ANKS1B: variants seen among roughly 807,000 people sequenced by gnomAD.
ANKS1B encodes ankyrin repeat and sterile alpha motif domain containing 1B, also known as ankyrin repeat and sterile alpha motif domain-containing protein 1B.
Under a neutral mutation model 148.3 loss-of-function variants are expected in ANKS1B, and 36 were observed. The observed-to-expected ratio is 0.24, with a 90% CI of 0.19 to 0.32. The LOEUF (loss-of-function observed/expected upper bound fraction) is 0.32, where lower values mean the gene tolerates loss of function less well. ANKS1B is among the 10% of genes least tolerant of loss of function. The pLI is 1.00. For synonymous variants in ANKS1B, 542 were observed against 560.8 expected (o/e 0.97, Z 0.47); for missense variants, 1,157 against 1,542.6 (o/e 0.75, Z 4.19).
At chr12:99,783,813 T>C (rs1039368548) in intron 4 of ANKS1B, among the ~76,000 whole-genome samples, 2 of 152,084 alleles carry the variant, frequency 1.3e-5, no homozygotes, top group Admixed American at 1.3e-4. Context: ...TAGTATTCTT[T>C]AGTAGGGTGA....
intron 10 of ANKS1B, among the ~76,000 whole-genome samples, chr12:99,483,749 T>C (rs981144828): frequency 6.6e-6 from 1 of 152,008 alleles, no homozygotes; most frequent in Non-Finnish European, 1.5e-5. Flanking sequence ...TTTCCAGGAA[T>C]TGACCCATTT....
intron 17 of ANKS1B, among the ~76,000 whole-genome samples, chr12:98,996,991 T>G (rs2099930083): frequency 6.6e-6 from 1 of 152,146 alleles, no homozygotes; most frequent in African/African-American, 2.4e-5. Context: ...AGTCATAGCT[T>G]TAACCAGATT....
intron 9 of ANKS1B, 56 bp from the exon 10 acceptor site, chr12:99,504,697 T>C: frequency 7.6e-7 from 1 of 1,324,218 alleles, no homozygotes; most frequent in East Asian, 2.6e-5. Context: ...CCTTGTTTAA[T>C]TTATAAAAAC....
intron 12 of ANKS1B, among the ~76,000 whole-genome samples, chr12:99,376,157 A>G (rs2093382963): frequency 6.6e-6 from 1 of 152,222 alleles, no homozygotes; most frequent in Non-Finnish European, 1.5e-5. Flanking sequence ...TTACTCAGTT[A>G]TGACCTCAGA....
rs138858879 is a variant in ANKS1B at position 99,213,941 on chromosome 12, C to G, written c.2419+30401G>C. On this transcript the variant is annotated intron_variant, in intron 14 of 26. Transcript: ENST00000683438. ...TCATAGGATTTTAGGGAATGCTTCA[C>G]ATCAAAGCTGTTGGTGGCACAGAGG... is the stretch of plus-strand genomic sequence containing the variant. 2.6e-5 allele frequency among the ~76,000 whole-genome samples: 4 copies of G among 152,318 alleles called. No homozygotes were observed. The East Asian group carries it at 7.7e-4, about 29-fold the overall frequency.
At chr12:99,171,730 AT>A (rs2077781487) in intron 14 of ANKS1B, among the ~76,000 whole-genome samples, 1 of 152,196 alleles carries the variant, frequency 6.6e-6, no homozygotes, top group Non-Finnish European at 1.5e-5. Flanking sequence ...GCCATACCTG[AT>A]TGGAAAAAAA....
At chr12:99,853,487 C>A (rs2153709320) in intron 1 of ANKS1B, among the ~76,000 whole-genome samples, 1 of 152,192 alleles carries the variant, frequency 6.6e-6, no homozygotes, top group African/African-American at 2.4e-5. Context: ...GAGAAATAAC[C>A]CTCACTGCAG....
At chr12:99,177,728 A>C (rs896438600) in intron 14 of ANKS1B, among the ~76,000 whole-genome samples, 1 of 152,238 alleles carries the variant, frequency 6.6e-6, no homozygotes, top group African/African-American at 2.4e-5. Context: ...ATAATGCCAA[A>C]ACAGTGATGT....
intron 12 of ANKS1B, among the ~76,000 whole-genome samples, chr12:99,279,146 G>C (rs1255040482): frequency 6.6e-6 from 1 of 152,164 alleles, no homozygotes; most frequent in Non-Finnish European, 1.5e-5. Context: ...CCTGGGCTCA[G>C]ACTATCCTCC....
chr12:99,829,716 A>G (rs774673799), intron 1 of ANKS1B, among the ~76,000 whole-genome samples: 37 of 149,924 alleles, frequency 2.5e-4, no homozygotes, highest in Non-Finnish European at 4.3e-4. Flanking sequence ...TGTAGTCCCA[A>G]CTACTCAGGA....
intron 8 of ANKS1B, among the ~76,000 whole-genome samples, chr12:99,729,431 T>G (rs1424102677): frequency 6.6e-6 from 1 of 152,138 alleles, no homozygotes; most frequent in African/African-American, 2.4e-5. Flanking sequence ...ATAGTTGAGG[T>G]TCTTAGAGTG....
At chr12:99,233,493 C>A (rs1368036846) in intron 14 of ANKS1B, among the ~76,000 whole-genome samples, 5 of 152,074 alleles carry the variant, frequency 3.3e-5, no homozygotes, top group African/African-American at 4.8e-5. Flanking sequence ...TCCAGCTTTG[C>A]TGAAGAACAG....
intron 14 of ANKS1B, 139 bp from the exon 15 acceptor site, chr12:99,154,534 C>G (rs2075739434): frequency 6.3e-7 from 1 of 1,594,160 alleles, no homozygotes; most frequent in Admixed American, 1.7e-5. Flanking sequence ...GCCAGCTTGA[C>G]AGATTAATGT....
chr12:98,830,284 C>G (rs966459092), intron 18 of ANKS1B, among the ~76,000 whole-genome samples: 13 of 151,998 alleles, frequency 8.6e-5, no homozygotes, highest in Admixed American at 3.9e-4. Context: ...TGAGGCTCCT[C>G]TTTCTAAGGG....
intron 9 of ANKS1B, among the ~76,000 whole-genome samples, chr12:99,537,591 G>C (rs1444923188): frequency 6.6e-6 from 1 of 152,008 alleles, no homozygotes; most frequent in African/African-American, 2.4e-5. Flanking sequence ...CAAATCTTTT[G>C]CTCATCTTTT....
chr12:99,065,009 G>T (rs1481606063), intron 16 of ANKS1B, among the ~76,000 whole-genome samples: 2 of 152,040 alleles, frequency 1.3e-5, no homozygotes, highest in Admixed American at 6.6e-5. Flanking sequence ...TATGAAGCAA[G>T]AGTTCAGATT....
intron 16 of ANKS1B, among the ~76,000 whole-genome samples, chr12:99,071,989 A>G (rs970524476): frequency 1.3e-5 from 2 of 152,122 alleles, no homozygotes; most frequent in African/African-American, 2.4e-5. Context: ...GACTTTAAAC[A>G]CCTTCTCTTC....
chr12:99,402,894 C>T (rs1044585178), intron 11 of ANKS1B, among the ~76,000 whole-genome samples: 2 of 145,032 alleles, frequency 1.4e-5, no homozygotes, highest in Non-Finnish European at 3.0e-5. Context: ...GGAATCACTG[C>T]ATTCTCTTCC....
At chr12:99,935,500 G>C (rs1390359749) in intron 1 of ANKS1B, among the ~76,000 whole-genome samples, 1 of 151,970 alleles carries the variant, frequency 6.6e-6, no homozygotes, top group East Asian at 1.9e-4. Context: ...CCAAGACTAT[G>C]GTTTCCTCTT....
Sources: gnomAD v4.1 joint callset for allele counts (sites outside exome capture counted in the v4.1 genomes callset) on GRCh38, gnomAD v4.1.1 for gene constraint, MANE v1.5 for transcripts, NCBI Gene and HGNC (gene_info 2026-07-23, HGNC 2026-07-21) for gene names.